CRTAP: variants seen among roughly 807,000 people sequenced by gnomAD.
CRTAP encodes the protein cartilage-associated protein.
CRTAP carries 33 observed loss-of-function variants against 42.7 expected under a neutral mutation model. The observed-to-expected ratio is 0.77, with a 90% CI of 0.59 to 1.03. The LOEUF (loss-of-function observed/expected upper bound fraction) is 1.03. Ranked by LOEUF, CRTAP falls within the 50% of genes least tolerant of loss-of-function variation. The pLI, the probability that CRTAP is intolerant of heterozygous loss-of-function variation, is 0.00. For missense variants in CRTAP, 613 were observed against 533.9 expected, an observed-to-expected ratio of 1.15 and a Z score of -1.46; for synonymous variants, 243 against 217.7, an observed-to-expected ratio of 1.12 and a Z score of -1.02.
chr3:33,137,227 G>A (rs142549166), intron 6 of CRTAP, among the ~76,000 whole-genome samples: 4,060 of 151,998 alleles, frequency 0.027, 156 homozygotes, highest in African/African-American at 0.09. Context: ...TGCAACCTCC[G>A]CCTCCCAGGT....
intron 6 of CRTAP, 128 bp from the exon 7 acceptor site, chr3:33,142,267 C>A: frequency 1.2e-6 from 1 of 842,100 alleles, no homozygotes; most frequent in South Asian, 1.4e-5. Flanking sequence ...GGCCCCAGAC[C>A]AGCAGAAAAA....
At chr3:33,117,034 A>G (rs1701350025) in intron 1 of CRTAP, among the ~76,000 whole-genome samples, 2 of 152,182 alleles carry the variant, frequency 1.3e-5, no homozygotes, top group African/African-American at 4.8e-5. Context: ...TTGAGCCCAG[A>G]AAGTCAAGGC....
At chr3:33,119,399 G>GT (rs1701386851) in intron 1 of CRTAP, among the ~76,000 whole-genome samples, 1 of 152,128 alleles carries the variant, frequency 6.6e-6, no homozygotes, top group Non-Finnish European at 1.5e-5. Context: ...TAAAATGCGG[G>GT]AAGACAGAAC....
chr3:33,131,319 T>C (rs1478375931), intron 4 of CRTAP, among the ~76,000 whole-genome samples: 6 of 151,688 alleles, frequency 4.0e-5, no homozygotes, highest in Non-Finnish European at 2.9e-5. Flanking sequence ...CACGTAAGCC[T>C]TGCACCCTGA....
At chr3:33,130,869 G>C (rs1250968385) in intron 4 of CRTAP, among the ~76,000 whole-genome samples, 2 of 152,126 alleles carry the variant, frequency 1.3e-5, no homozygotes, top group Non-Finnish European at 2.9e-5. Flanking sequence ...CCCTTGATCT[G>C]AAATGGGAGT....
At chr3:33,132,962 C>T (rs569657726) in intron 5 of CRTAP, among the ~76,000 whole-genome samples, 4 of 150,676 alleles carry the variant, frequency 2.7e-5, no homozygotes, top group African/African-American at 9.8e-5. Context: ...GCTGTAGTCC[C>T]AGCTACTTGG....
chr3:33,128,388 C>G (rs2030140352), intron 3 of CRTAP, among the ~76,000 whole-genome samples: 1 of 152,072 alleles, frequency 6.6e-6, no homozygotes. Flanking sequence ...TCTTTTTATG[C>G]CAATGATATT....
rs919477201 is a variant in CRTAP, at chr3:33,129,529, C to A, written c.794-410C>A. Among the ~76,000 whole-genome samples the A allele has an allele frequency of 7.9e-3, 998 of 127,114 alleles. 4 individuals are homozygous for A. The highest frequency in any genetic ancestry group is 0.014 in the Non-Finnish European group (796 of 57,156). 83.4% of individuals were successfully genotyped at this position (127,114 alleles called of 152,430 possible). ...CCTTGTAGGTGTTGAAAATATTTTT[C>A]TTTTTCTTTTTTTTTTTTTTTTTTT... On this transcript the variant is annotated intron_variant, in intron 3 of 6. Transcript: ENST00000320954.
intron 1 of CRTAP, among the ~76,000 whole-genome samples, chr3:33,117,827 C>G (rs967089777): frequency 6.6e-6 from 1 of 152,220 alleles, no homozygotes; most frequent in African/African-American, 2.4e-5. Flanking sequence ...TCTCCATGTT[C>G]CAGCTGCAGA....
At chr3:33,140,507 C>G (rs912553585) in intron 6 of CRTAP, among the ~76,000 whole-genome samples, 2 of 152,148 alleles carry the variant, frequency 1.3e-5, no homozygotes, top group Non-Finnish European at 2.9e-5. Context: ...CTTCCATTTT[C>G]CAAAGGACAT....
chr3:33,122,239 G>A (rs1161297177), intron 2 of CRTAP, among the ~76,000 whole-genome samples: 1 of 151,962 alleles, frequency 6.6e-6, no homozygotes, highest in Non-Finnish European at 1.5e-5. Context: ...GCCCTCCTGT[G>A]TGATCAGGGG....
At chr3:33,127,177 C>T (rs1167225534) in intron 3 of CRTAP, among the ~76,000 whole-genome samples, 1 of 150,794 alleles carries the variant, frequency 6.6e-6, no homozygotes, top group African/African-American at 2.4e-5. Context: ...CTACATGGTT[C>T]CCAGCTTGAC....
intron 4 of CRTAP, among the ~76,000 whole-genome samples, chr3:33,131,388 T>TAA (rs2030258726): frequency 6.6e-6 from 1 of 152,198 alleles, no homozygotes; most frequent in Admixed American, 6.5e-5. Context: ...TAAGGTCTTC[T>TAA]AGCTCACTGA....
At chr3:33,119,879 C>T (rs777243658) in intron 1 of CRTAP, among the ~76,000 whole-genome samples, 1 of 152,214 alleles carries the variant, frequency 6.6e-6, no homozygotes, top group Non-Finnish European at 1.5e-5. Context: ...GAGGGAGACT[C>T]TATGGAGAGG....
At chr3:33,128,008 A>G (rs1252208747) in intron 3 of CRTAP, among the ~76,000 whole-genome samples, 1 of 152,090 alleles carries the variant, frequency 6.6e-6, no homozygotes. Flanking sequence ...TTGCCCTCCC[A>G]AAGTGCTGGG....
intron 6 of CRTAP, among the ~76,000 whole-genome samples, chr3:33,139,129 G>A (rs955919009): frequency 3.3e-5 from 5 of 151,996 alleles, no homozygotes; most frequent in African/African-American, 7.2e-5. Flanking sequence ...GGGTGGCACA[G>A]TGAGACACTG....
Position 33,114,019 on chromosome 3 carries a change from C to T in CRTAP, c.-59C>T. On this transcript the variant is annotated 5_prime_UTR_variant, in exon 1 of 7. Transcript: ENST00000320954. ...CGCGTCGCACCGTCCTCTTTCCTTT[C>T]CTTCTCCCTCCCCTTTTCCCTTCCT... The T allele has an allele frequency of 7.7e-7, 1 of 1,306,916 alleles. No homozygotes were observed. The highest frequency in any genetic ancestry group is 1.5e-5 in the South Asian group (1 of 66,754). The allele number at this position is 1,306,916 out of a possible 1,614,324, so 81.0% of individuals were successfully genotyped here.
chr3:33,131,253 G>GT (rs57105062), intron 4 of CRTAP, among the ~76,000 whole-genome samples: 7,406 of 140,420 alleles, frequency 0.053, 610 homozygotes, highest in African/African-American at 0.18. Flanking sequence ...TGGTAATTGT[G>GT]TTTTTTTTTT....
chr3:33,121,993 C>A (rs1410438882), intron 2 of CRTAP, among the ~76,000 whole-genome samples: 1 of 152,206 alleles, frequency 6.6e-6, no homozygotes, highest in Non-Finnish European at 1.5e-5. Context: ...TCCCCTCTGG[C>A]CCCTCCTTTG....
Sources: gnomAD v4.1 joint callset for allele counts (sites outside exome capture counted in the v4.1 genomes callset) on GRCh38, gnomAD v4.1.1 for gene constraint, MANE v1.5 for transcripts, NCBI Gene and HGNC (gene_info 2026-07-23, HGNC 2026-07-21) for gene names.